The following WDSUB1 variants were observed in gnomAD, a reference collection of about 807,000 sequenced individuals.
WDSUB1 encodes WD repeat, sterile alpha motif and U-box domain containing 1, also known as WD repeat, SAM and U-box domain-containing protein 1.
Under a neutral mutation model 53.9 loss-of-function variants are expected in WDSUB1, and 49 were observed. That is an observed-to-expected ratio of 0.91 (90% CI 0.72 to 1.15). The LOEUF is 1.15. Among genes scored for constraint, WDSUB1 ranks in the 50% most tolerant of loss-of-function variants. The pLI is 0.00. For synonymous variants in WDSUB1, 194 were observed against 200.6 expected (o/e 0.97, Z 0.28); for missense variants, 514 against 562.0 (o/e 0.91, Z 0.86).
chr2:159,286,095 G>T (rs1005105508), intron 1 of WDSUB1, among the ~76,000 whole-genome samples: 9 of 152,142 alleles, frequency 5.9e-5, no homozygotes, highest in African/African-American at 1.9e-4. Context: ...GGGTAGGGGG[G>T]GCGGTGTGGG....
intron 9 of WDSUB1, among the ~76,000 whole-genome samples, chr2:159,251,561 T>C (rs748673774): frequency 2.6e-5 from 4 of 152,140 alleles, no homozygotes; most frequent in Non-Finnish European, 5.9e-5. Flanking sequence ...CTTTTGTGAT[T>C]GGGAGTTAAG....
At chr2:159,237,376 C>G (rs1024166981) in intron 10 of WDSUB1, among the ~76,000 whole-genome samples, 5 of 152,098 alleles carry the variant, frequency 3.3e-5, no homozygotes, top group African/African-American at 1.2e-4. Flanking sequence ...CACAAATTAG[C>G]TGGGCATGGT....
intron 10 of WDSUB1, among the ~76,000 whole-genome samples, chr2:159,237,038 ATCTT>A (rs1403394826): frequency 6.6e-6 from 1 of 152,170 alleles, no homozygotes; most frequent in African/African-American, 2.4e-5. Flanking sequence ...CAAGCTGAAA[ATCTT>A]GGTTCCTGAT....
At chr2:159,285,169 A>G (rs560680347) in intron 1 of WDSUB1, among the ~76,000 whole-genome samples, 91 of 152,312 alleles carry the variant, frequency 6.0e-4, no homozygotes, top group African/African-American at 2.0e-3. Context: ...ACTTAAATAA[A>G]TATAAGTTGA....
Position 159,280,674 on chromosome 2 carries a change from G to T in WDSUB1, c.399-729C>A, listed in dbSNP as rs373668997. ...CCACTGCACTCCAGCCTGGGCGACA[G>T]AGCGAGACTCCGTCTCAAAAAAAAA... On this transcript the variant is annotated intron_variant, in intron 2 of 10. Transcript: ENST00000359774. Among the ~76,000 whole-genome samples the T allele has an allele frequency of 4.1e-3, 336 of 82,802 alleles. 1 individual carries two copies. The highest frequency in any genetic ancestry group is 5.7e-3 in the Non-Finnish European group (279 of 48,676). 54.3% of individuals were successfully genotyped at this position (82,802 alleles called of 152,430 possible). A position where few individuals can be genotyped will look rare whatever the true frequency, so the allele number is the denominator to read the frequency against.
At chr2:159,276,969 C>T (rs2061554223) in intron 3 of WDSUB1, among the ~76,000 whole-genome samples, 1 of 152,160 alleles carries the variant, frequency 6.6e-6, no homozygotes, top group South Asian at 2.1e-4. Flanking sequence ...CACACCACTG[C>T]ACTCTAGCCT....
chr2:159,271,834 A>G, intron 4 of WDSUB1, 39 bp from the exon 5 acceptor site: 1 of 1,521,948 alleles, frequency 6.6e-7, no homozygotes. Context: ...AAAGCTGACC[A>G]TGCTTAGAAT....
rs1455904824 is a variant in WDSUB1, at chr2:159,277,114, ACT to A, written c.584-1478_584-1477del. ...CTGGGCATGTAAATTTTTTCTATGG[ACT>A]CTGCCTCTTTGAAAGTACAAACACT... On this transcript the variant is annotated intron_variant, in intron 3 of 10. Transcript: ENST00000359774. Among the ~76,000 whole-genome samples, 4 of 152,296 alleles carry A rather than the reference ACT, an allele frequency of 2.6e-5. No individual in the cohort carries two copies. In the East Asian group the frequency reaches 7.7e-4, roughly 29 times the overall value.
rs536244896 is a variant in WDSUB1, at chr2:159,238,367, T to A, written c.1274-2177A>T. ...TTGAAGAGATGGGGTCCTGCTGGTC[T>A]CAAGCTCCTGGGCTCAAGTGACCCT... On this transcript the variant is annotated intron_variant, in intron 10 of 10. Coordinates refer to ENST00000359774, the MANE Select transcript of WDSUB1 (RefSeq NM_001128212.3). 5.4e-4 allele frequency among the ~76,000 whole-genome samples: 82 copies of A among 152,314 alleles called. 3 individuals are homozygous for A. The South Asian group carries it at 0.016, about 30-fold the overall frequency.
intron 10 of WDSUB1, among the ~76,000 whole-genome samples, chr2:159,242,294 T>C (rs77996901): frequency 6.9e-6 from 1 of 145,888 alleles, no homozygotes; most frequent in Non-Finnish European, 1.5e-5. Flanking sequence ...CCTGACCTCA[T>C]GATCTGCCCA....
intron 9 of WDSUB1, among the ~76,000 whole-genome samples, chr2:159,253,545 C>T (rs775409186): frequency 6.7e-6 from 1 of 149,220 alleles, no homozygotes; most frequent in African/African-American, 2.4e-5. Flanking sequence ...AATAGATATA[C>T]GACTTTGGTC....
intron 5 of WDSUB1, among the ~76,000 whole-genome samples, chr2:159,266,754 CCTAGGTT>C (rs2061355492): frequency 6.6e-6 from 1 of 152,102 alleles, no homozygotes; most frequent in African/African-American, 2.4e-5. Flanking sequence ...CTAACACCAT[CCTAGGTT>C]CTCAGGGGTT....
chr2:159,270,176 T>G (rs550274215), intron 5 of WDSUB1, among the ~76,000 whole-genome samples: 2 of 152,322 alleles, frequency 1.3e-5, no homozygotes, highest in African/African-American at 4.8e-5. Flanking sequence ...TACTAACAAG[T>G]GCCTAGAAAG....
At chr2:159,247,958 T>G (rs1393369810) in intron 10 of WDSUB1, among the ~76,000 whole-genome samples, 3 of 112,556 alleles carry the variant, frequency 2.7e-5, no homozygotes, top group African/African-American at 1.1e-4. Context: ...TTGGATTCAC[T>G]GATTACAACT....
intron 5 of WDSUB1, among the ~76,000 whole-genome samples, chr2:159,265,065 CAA>C (rs1335404153): frequency 2.9e-5 from 4 of 137,014 alleles, no homozygotes; most frequent in East Asian, 2.2e-4. Context: ...GACTGGGTAA[CAA>C]GAGCGAAACT....
intron 1 of WDSUB1, among the ~76,000 whole-genome samples, chr2:159,285,329 G>T (rs961763459): frequency 6.6e-6 from 1 of 152,078 alleles, no homozygotes; most frequent in South Asian, 2.1e-4. Flanking sequence ...GGCAGAATCA[G>T]CTCTGAAAGG....
In WDSUB1 at chr2:159,256,222, T is replaced by A; in HGVS notation, c.1106A>T (p.Glu369Val). 1 of 1,602,378 alleles carries A rather than the reference T, an allele frequency of 6.2e-7. No homozygotes were observed. The highest frequency in any genetic ancestry group is 8.5e-7 in the Non-Finnish European group (1 of 1,176,324). The change falls in exon 9 of 11, where the codon GAA (glutamate) becomes GTA (valine). Residue 369 changes from glutamate (E) to valine (V), a missense_variant. Transcript: ENST00000359774. The stretch of plus-strand genomic sequence containing the variant: ...AATTTTCAAATCATCAGCCAGACTT[T>A]CTTTTGTAAGATTCAACAGTTCTTT... ...DGKELLNLTK[E>V]SLADDLKIES...
At chr2:159,261,885 TATATA>T (rs2061223261) in intron 5 of WDSUB1, among the ~76,000 whole-genome samples, 1 of 16,166 alleles carries the variant, frequency 6.2e-5, no homozygotes, top group East Asian at 1.6e-3. Context: ...TATATATATA[TATATA>T]TATATATTTT....
chr2:159,264,953 G>A (rs11682420), intron 5 of WDSUB1, among the ~76,000 whole-genome samples: 14,796 of 151,740 alleles, frequency 0.098, 989 homozygotes, highest in Non-Finnish European at 0.15. Flanking sequence ...GCATGGTCGC[G>A]GGCACCTGTA....
Sources: allele counts gnomAD v4.1 joint callset (sites outside exome capture counted in the v4.1 genomes callset), GRCh38; gene constraint gnomAD v4.1.1; transcripts MANE v1.5; gene names NCBI Gene and HGNC (gene_info 2026-07-23, HGNC 2026-07-21).